The following PEBP4 variants were observed in gnomAD, a reference collection of about 807,000 sequenced individuals.
PEBP4 encodes the protein phosphatidylethanolamine binding protein 4.
In PEBP4, 22 loss-of-function variants were observed where a neutral mutation model predicts 23.9. The observed-to-expected ratio is 0.92, with a 90% confidence interval of 0.66 to 1.31. The LOEUF (loss-of-function observed/expected upper bound fraction) is 1.31. Ranked by LOEUF, PEBP4 falls within the 40% of genes most tolerant of loss-of-function variation. The probability of loss-of-function intolerance (pLI) is 0.00; values close to 1 mark genes in which losing one functional copy is unlikely to be tolerated. For missense variants in PEBP4, 324 were observed against 281.7 expected (o/e 1.15, Z -1.07); for synonymous variants, 112 against 99.3 (o/e 1.13, Z -0.76).
At chr8:22,761,466 C>T (rs919837301) in intron 4 of PEBP4, among the ~76,000 whole-genome samples, 1 of 152,162 alleles carries the variant, frequency 6.6e-6, no homozygotes, top group Admixed American at 6.5e-5. Context: ...ATGCATTTCC[C>T]AACGTATCCC....
Position 22,785,443 on chromosome 8 carries a change from C to T in PEBP4, c.357+32194G>A, listed in dbSNP as rs1032127258. On this transcript the variant is annotated intron_variant, in intron 4 of 6. Transcript: ENST00000256404. ...GACCCCAGATGTCCTCCAATGTGTC[C>T]TCTCGGAGACGCCCTATCTCTGGAA... 2.0e-5 allele frequency among the ~76,000 whole-genome samples: 3 copies of T among 152,284 alleles called. No homozygotes were observed. The East Asian group carries it at 5.8e-4, about 29-fold the overall frequency.
chr8:22,733,573 G>C (rs968830894), intron 4 of PEBP4, among the ~76,000 whole-genome samples: 1 of 152,072 alleles, frequency 6.6e-6, no homozygotes, highest in Non-Finnish European at 1.5e-5. Context: ...CCACCCACCT[G>C]GGTGTTTGTG....
chr8:22,907,410 G>A (rs1265582535), intron 3 of PEBP4, among the ~76,000 whole-genome samples: 1 of 152,216 alleles, frequency 6.6e-6, no homozygotes, highest in Admixed American at 6.5e-5. Context: ...TGCTTGGGAG[G>A]TTGAGACAGG....
chr8:22,912,468 G>T, intron 3 of PEBP4, among the ~76,000 whole-genome samples: 1 of 152,190 alleles, frequency 6.6e-6, no homozygotes, highest in East Asian at 1.9e-4. Flanking sequence ...AGGAACCGGG[G>T]GATTCCGGAG....
intron 3 of PEBP4, among the ~76,000 whole-genome samples, chr8:22,915,707 G>A (rs1246957479): frequency 6.6e-6 from 1 of 152,224 alleles, no homozygotes. Context: ...TGTAGGAGAG[G>A]AGACTCCACA....
At chr8:22,790,401 G>A (rs552741056) in intron 4 of PEBP4, among the ~76,000 whole-genome samples, 1 of 152,334 alleles carries the variant, frequency 6.6e-6, no homozygotes, top group East Asian at 1.9e-4. Context: ...CCTGATGGCT[G>A]AGGTAGACCA....
rs1808019271 is a variant in PEBP4 at position 22,872,143 on chromosome 8, T to TA, written c.258+48040_258+48041insT. Among the ~76,000 whole-genome samples, 4 of 152,246 alleles carry TA rather than the reference T, an allele frequency of 2.6e-5. No homozygotes were observed. The South Asian group carries it at 8.3e-4, about 31-fold the overall frequency. On this transcript the variant is annotated intron_variant, in intron 3 of 6. Transcript: ENST00000256404. Reference sequence around the variant, plus strand: ...CATGGCTGGGTAGTATCCTATGGTATGTATACACCATATTTTCTTTAGCTG... The same window carrying TA: ...CATGGCTGGGTAGTATCCTATGGTATAGTATACACCATATTTTCTTTAGCTG...
chr8:22,928,949 G>GC (rs1809409579), upstream of PEBP4, among the ~76,000 whole-genome samples: 1 of 152,120 alleles, frequency 6.6e-6, no homozygotes, highest in Admixed American at 6.5e-5. Flanking sequence ...GTAGCAAAAA[G>GC]CCCCCCTTAG....
At chr8:22,909,249 A>AC in intron 3 of PEBP4, among the ~76,000 whole-genome samples, 1 of 152,072 alleles carries the variant, frequency 6.6e-6, no homozygotes. Context: ...GGGGAGCCAC[A>AC]CCTAAGACGT....
At chr8:22,804,976 T>C (rs968338058) in intron 4 of PEBP4, among the ~76,000 whole-genome samples, 4 of 152,068 alleles carry the variant, frequency 2.6e-5, no homozygotes, top group African/African-American at 9.7e-5. Flanking sequence ...TGCTCACAGG[T>C]TTCCTTCTCT....
At chr8:22,891,113 C>CCACT in intron 3 of PEBP4, among the ~76,000 whole-genome samples, 1 of 152,338 alleles carries the variant, frequency 6.6e-6, no homozygotes, top group East Asian at 1.9e-4. Flanking sequence ...CAGGCGTGAG[C>CCACT]CACTGCTCCC....
chr8:22,824,717 C>G (rs1005261507), intron 3 of PEBP4, among the ~76,000 whole-genome samples: 1 of 152,060 alleles, frequency 6.6e-6, no homozygotes, highest in Non-Finnish European at 1.5e-5. Flanking sequence ...TCATAAGGAG[C>G]GTTGCAACCT....
intron 2 of PEBP4, chr8:22,925,158 A>G: frequency 1.0e-6 from 1 of 985,384 alleles, no homozygotes; most frequent in Non-Finnish European, 1.2e-6. Context: ...CCAAACAAAA[A>G]TCTTCAGTGA....
chr8:22,860,166 A>ATG (rs1554492225), intron 3 of PEBP4, among the ~76,000 whole-genome samples: 24 of 125,294 alleles, frequency 1.9e-4, no homozygotes, highest in Admixed American at 3.4e-4. Flanking sequence ...ACACATATAT[A>ATG]TGTATATATA....
At chr8:22,721,423 C>T (rs993951498) in intron 6 of PEBP4, among the ~76,000 whole-genome samples, 2 of 152,086 alleles carry the variant, frequency 1.3e-5, no homozygotes, top group Non-Finnish European at 2.9e-5. Context: ...GGGAGGGTTT[C>T]ACCTCCTTGG....
At chr8:22,814,691 T>C (rs1806701108) in intron 4 of PEBP4, among the ~76,000 whole-genome samples, 1 of 152,236 alleles carries the variant, frequency 6.6e-6, no homozygotes, top group Admixed American at 6.5e-5. Context: ...ATGGTCCCTC[T>C]CTGTCTGCAG....
At chr8:22,738,168 AC>A (rs1804911116) in intron 4 of PEBP4, among the ~76,000 whole-genome samples, 1 of 151,802 alleles carries the variant, frequency 6.6e-6, no homozygotes, top group Non-Finnish European at 1.5e-5. Context: ...TTTATTAATA[AC>A]CCTTGATGAG....
chr8:22,859,953 C>T (rs1807731566), intron 3 of PEBP4, among the ~76,000 whole-genome samples: 1 of 151,236 alleles, frequency 6.6e-6, no homozygotes, highest in South Asian at 2.1e-4. Flanking sequence ...CCCATCCCTA[C>T]AAAAAATTTA....
At chr8:22,762,837 T>G (rs1002601015) in intron 4 of PEBP4, among the ~76,000 whole-genome samples, 3 of 152,168 alleles carry the variant, frequency 2.0e-5, no homozygotes, top group African/African-American at 7.2e-5. Flanking sequence ...GGGCTATGCA[T>G]GTCCCCTAAC....
Sources: allele counts gnomAD v4.1 joint callset (sites outside exome capture counted in the v4.1 genomes callset), GRCh38; gene constraint gnomAD v4.1.1; transcripts MANE v1.5; gene names NCBI Gene and HGNC (gene_info 2026-07-23, HGNC 2026-07-21).